Variants in SCN11A observed in about 807,000 individuals in gnomAD.
The protein encoded by SCN11A is sodium channel protein type 11 subunit alpha.
A neutral mutation model predicts 162.2 loss-of-function variants in SCN11A; 122 were observed. The ratio of observed to expected loss-of-function variants is 0.75; its 90% CI spans 0.65 to 0.87. The LOEUF (loss-of-function observed/expected upper bound fraction) is 0.87, where lower values mean the gene tolerates loss of function less well. Ranked by LOEUF, SCN11A falls within the 40% of genes least tolerant of loss-of-function variation. SCN11A has a pLI of 0.00. For missense variants in SCN11A, 2,015 were observed against 2,181.6 expected (o/e 0.92, Z 1.52); for synonymous variants, 758 against 751.5 (o/e 1.01, Z -0.14).
At chr3:38,972,737 C>T (rs2066823970) in intron 2 of SCN11A, among the ~76,000 whole-genome samples, 1 of 151,974 alleles carries the variant, frequency 6.6e-6, no homozygotes, top group South Asian at 2.1e-4. Flanking sequence ...TCTGCCTTCA[C>T]TTACTTGGGA....
At chr3:38,986,368 G>A (rs1265456806) in intron 2 of SCN11A, among the ~76,000 whole-genome samples, 3 of 141,946 alleles carry the variant, frequency 2.1e-5, no homozygotes, top group African/African-American at 6.0e-5. Context: ...TGGATCAAAG[G>A]GAATGATTCC....
At chr3:38,926,970 A>G in intron 7 of SCN11A, 39 bp from the exon 8 acceptor site, 1 of 1,581,670 alleles carries the variant, frequency 6.3e-7, no homozygotes, top group African/African-American at 1.4e-5. Context: ...GAAACATGAT[A>G]AACAATGTGA....
chr3:38,967,872 T>C (rs2066792690), intron 2 of SCN11A, among the ~76,000 whole-genome samples: 1 of 152,222 alleles, frequency 6.6e-6, no homozygotes, highest in East Asian at 1.9e-4. Flanking sequence ...ACAGTGAAAA[T>C]TGCTCCATCC....
At chr3:38,915,647 T>C (rs1181808046) in intron 11 of SCN11A, among the ~76,000 whole-genome samples, 3 of 152,206 alleles carry the variant, frequency 2.0e-5, no homozygotes, top group Admixed American at 2.0e-4. Context: ...CTATTTTTAT[T>C]GTGCTGTGGT....
chr3:38,928,543 T>A (rs113781501), intron 7 of SCN11A, among the ~76,000 whole-genome samples: 8,580 of 151,980 alleles, frequency 0.056, 268 homozygotes, highest in Middle Eastern at 0.088. Flanking sequence ...AAAATAAAAT[T>A]AAATTAAATA....
intron 7 of SCN11A, among the ~76,000 whole-genome samples, chr3:38,936,352 G>A (rs1339163752): frequency 5.4e-5 from 8 of 147,390 alleles, no homozygotes; most frequent in African/African-American, 2.0e-4. Flanking sequence ...TCAACATAGT[G>A]TTGGAAGTTC....
intron 2 of SCN11A, among the ~76,000 whole-genome samples, chr3:38,969,298 C>T (rs1171851614): frequency 1.3e-5 from 2 of 152,202 alleles, no homozygotes; most frequent in African/African-American, 4.8e-5. Flanking sequence ...CAAATATTTT[C>T]TCAATTTACC....
intron 15 of SCN11A, among the ~76,000 whole-genome samples, chr3:38,904,906 A>G (rs1328645891): frequency 6.6e-6 from 1 of 152,116 alleles, no homozygotes; most frequent in Non-Finnish European, 1.5e-5. Context: ...GCCTGGTTTG[A>G]GGCCCTGTTT....
chr3:38,885,362 A>G lies in SCN11A; in HGVS notation c.2990T>C (p.Ile997Thr). 1 of 1,613,062 alleles carries G rather than the reference A, an allele frequency of 6.2e-7. No individual in the cohort carries two copies. The highest frequency in any genetic ancestry group is 1.1e-5 in the South Asian group (1 of 91,048). ...VTSILSECSTIDLQDGFGWLP... is the reference protein window; with the variant it reads ...VTSILSECSTTDLQDGFGWLP... The stretch of plus-strand genomic sequence containing the variant: ...CCATCCAAAGCCATCCTGAAGATCA[A>G]TGGTGCTACATTCTGATAGTATACT... Residue 997 changes from isoleucine to threonine, a missense_variant, in exon 21 of 30, where the codon ATT (isoleucine) becomes ACT (threonine). Physicochemically the swap from Ile to Thr is moderately conservative, Grantham distance 89 (BLOSUM62 -1). Transcript: ENST00000302328.
At chr3:38,915,471 G>A (rs564809669) in intron 11 of SCN11A, among the ~76,000 whole-genome samples, 17 of 152,206 alleles carry the variant, frequency 1.1e-4, no homozygotes, top group Non-Finnish European at 2.2e-4. Context: ...CACTGCCTTA[G>A]CTGTGTCCCA....
chr3:38,898,133 G>A (rs2065637140), intron 17 of SCN11A, among the ~76,000 whole-genome samples: 1 of 152,116 alleles, frequency 6.6e-6, no homozygotes, highest in African/African-American at 2.4e-5. Context: ...AGCTACTCGG[G>A]AGGCTGACGA....
chr3:38,943,216 A>C (rs1240682989), intron 7 of SCN11A, among the ~76,000 whole-genome samples: 1 of 152,256 alleles, frequency 6.6e-6, no homozygotes, highest in Admixed American at 6.5e-5. Flanking sequence ...AGATACAAAA[A>C]TATAGTATCA....
At chr3:39,046,339 T>G in intron 1 of SCN11A, among the ~76,000 whole-genome samples, 1 of 150,408 alleles carries the variant, frequency 6.6e-6, no homozygotes, top group African/African-American at 2.5e-5. Flanking sequence ...ATGAAGGAAA[T>G]TATAAAACTC....
chr3:39,042,974 A>AAAAAAAAAAAAAAAAAAG (rs56332636), intron 1 of SCN11A, among the ~76,000 whole-genome samples: 27 of 103,668 alleles, frequency 2.6e-4, no homozygotes, highest in Admixed American at 6.7e-4. Context: ...AAAAAAAAAA[A>AAAAAAAAAAAAAAAAAAG]AAAAAGAAAA....
chr3:38,925,009 T>A (rs997847444), intron 9 of SCN11A, among the ~76,000 whole-genome samples: 50 of 152,136 alleles, frequency 3.3e-4, no homozygotes, highest in African/African-American at 1.2e-3. Context: ...ACTATCGTGA[T>A]CACTCTGTTT....
intron 24 of SCN11A, 33 bp downstream of exon 24, chr3:38,872,160 C>T (rs1255276467): frequency 1.6e-6 from 2 of 1,246,328 alleles, no homozygotes; most frequent in Non-Finnish European, 2.4e-6. Flanking sequence ...TCTCTGTTAA[C>T]TGAACTTCTA....
At chr3:39,023,023 A>G (rs1247711688) in intron 2 of SCN11A, among the ~76,000 whole-genome samples, 2 of 152,240 alleles carry the variant, frequency 1.3e-5, no homozygotes, top group African/African-American at 2.4e-5. Flanking sequence ...TATTATGCTT[A>G]CAAATTTTTA....
At chr3:39,009,193 T>C (rs2031059581) in intron 2 of SCN11A, among the ~76,000 whole-genome samples, 1 of 152,030 alleles carries the variant, frequency 6.6e-6, no homozygotes, top group Admixed American at 6.5e-5. Flanking sequence ...ATCATTCTTA[T>C]TATATTTGTT....
intron 23 of SCN11A, among the ~76,000 whole-genome samples, chr3:38,879,690 G>C (rs1029405532): frequency 6.6e-6 from 1 of 152,202 alleles, no homozygotes; most frequent in African/African-American, 2.4e-5. Flanking sequence ...CTTATGGAGA[G>C]AAGTGAATGA....
Sources: gnomAD v4.1 joint callset for allele counts (sites outside exome capture counted in the v4.1 genomes callset) on GRCh38, gnomAD v4.1.1 for gene constraint, MANE v1.5 for transcripts, NCBI Gene and HGNC (gene_info 2026-07-23, HGNC 2026-07-21) for gene names.